Variants in PLCG2 observed in about 807,000 individuals in gnomAD.
The protein encoded by PLCG2 is phospholipase C gamma 2.
In PLCG2, 69 loss-of-function variants were observed where a neutral mutation model predicts 175.6. The ratio of observed to expected loss-of-function variants is 0.39; its 90% CI spans 0.32 to 0.48. The LOEUF is 0.48. Ranked by LOEUF, PLCG2 falls within the 20% of genes least tolerant of loss-of-function variation. The pLI, the probability that PLCG2 is intolerant of heterozygous loss-of-function variation, is 0.91. For synonymous variants in PLCG2, 827 were observed against 624.0 expected (o/e 1.33, Z -4.85); for missense variants, 1,798 against 1,650.9 (o/e 1.09, Z -1.54).
intron 2 of PLCG2, among the ~76,000 whole-genome samples, chr16:81,788,212 C>G (rs1034345796): frequency 6.6e-6 from 1 of 152,130 alleles, no homozygotes; most frequent in Non-Finnish European, 1.5e-5. Flanking sequence ...TTGCATTATT[C>G]TTCATTTGTA....
At chr16:81,824,965 G>C (rs762743815) in intron 2 of PLCG2, among the ~76,000 whole-genome samples, 2 of 152,222 alleles carry the variant, frequency 1.3e-5, no homozygotes, top group Non-Finnish European at 2.9e-5. Context: ...CAGGGAGAGA[G>C]AGCAGGATTC....
At chr16:81,763,859 C>T (rs896901218) in intron 2 of PLCG2, among the ~76,000 whole-genome samples, 3 of 151,824 alleles carry the variant, frequency 2.0e-5, no homozygotes, top group South Asian at 2.1e-4. Context: ...CTCAGCTACT[C>T]GGGAGGCTGA....
At chr16:81,905,297 G>A in intron 14 of PLCG2, 106 bp from the exon 15 acceptor site, 3 of 729,106 alleles carry the variant, frequency 4.1e-6, no homozygotes, top group Non-Finnish European at 7.3e-6. Context: ...AGCAAGAACA[G>A]GCAGTGCAAA....
rs564349604 is a variant in PLCG2, at chr16:81,806,265, C to T, written c.193+20083C>T. ...TTTGTCCTTTTGCATTACCTGCTTC[C>T]GTGGTCCCCAAGCAGCAAAGGCATT... On this transcript the variant is annotated intron_variant, in intron 2 of 32. Transcript: ENST00000564138. Among the ~76,000 whole-genome samples, 271 of 152,028 alleles carry T rather than the reference C, an allele frequency of 1.8e-3. 2 individuals are homozygous for T. The highest frequency in any genetic ancestry group is 5.7e-3 in the African/African-American group (238 of 41,482).
At chr16:81,909,746 C>T (rs62044875) in intron 17 of PLCG2, among the ~76,000 whole-genome samples, 1 of 152,118 alleles carries the variant, frequency 6.6e-6, no homozygotes, top group East Asian at 1.9e-4. Flanking sequence ...CGCAAATAAT[C>T]CTGGACACCT....
At chr16:81,805,465 C>T (rs1030697156) in intron 2 of PLCG2, among the ~76,000 whole-genome samples, 6 of 142,388 alleles carry the variant, frequency 4.2e-5, no homozygotes, top group African/African-American at 1.6e-4. Flanking sequence ...CACCACTGCA[C>T]TTCAGCCTGG....
intron 5 of PLCG2, among the ~76,000 whole-genome samples, chr16:81,868,698 A>G (rs1005654833): frequency 6.6e-6 from 1 of 152,222 alleles, no homozygotes; most frequent in Non-Finnish European, 1.5e-5. Flanking sequence ...GTCAACACCT[A>G]TATTGGGCCT....
At chr16:81,776,083 C>CGTTCTTTCTTTCTT (rs1413572575), upstream of PLCG2, among the ~76,000 whole-genome samples, 146 of 81,944 alleles carry the variant, frequency 1.8e-3, 13 homozygotes, top group South Asian at 0.02. Context: ...TTCTCTCTCT[C>CGTTCTTTCTTTCTT]TCTCTCTTTC....
At chr16:81,852,663 T>C (rs1036705049) in intron 2 of PLCG2, among the ~76,000 whole-genome samples, 2 of 152,234 alleles carry the variant, frequency 1.3e-5, no homozygotes, top group African/African-American at 4.8e-5. Flanking sequence ...TACTTGTTTC[T>C]GTTATCTATT....
chr16:81,961,994 G>C lies in PLCG2; in HGVS notation c.*3996G>C, dbSNP rs143859339. 28 of 195,902 alleles carry C rather than the reference G, an allele frequency of 1.4e-4. No individual in the cohort carries two copies. The East Asian group carries it at 2.3e-3, about 16-fold the overall frequency. The allele number at this position is 195,902 out of a possible 1,614,324, so 12.1% of individuals were successfully genotyped here. ...TCGCCAGGGTTGATTCGGCTGATCT[G>C]GCTGGCTAGGTGGGTGTCCCCTTCC... On this transcript the variant is annotated 3_prime_UTR_variant, in exon 33 of 33. Transcript: ENST00000564138.
At chr16:81,780,145 A>C (rs1001919639) in intron 1 of PLCG2, among the ~76,000 whole-genome samples, 1 of 151,602 alleles carries the variant, frequency 6.6e-6, no homozygotes, top group Non-Finnish European at 1.5e-5. Flanking sequence ...GTGAGAAACT[A>C]TGGGGGGCGG....
At chr16:81,888,165 C>G (rs916610900) in intron 9 of PLCG2, among the ~76,000 whole-genome samples, 2 of 152,088 alleles carry the variant, frequency 1.3e-5, no homozygotes, top group Non-Finnish European at 2.9e-5. Flanking sequence ...GTGAGATGAC[C>G]ATAGGAGGAA....
intron 30 of PLCG2, among the ~76,000 whole-genome samples, chr16:81,942,224 C>T (rs550723670): frequency 6.6e-6 from 1 of 152,302 alleles, no homozygotes; most frequent in African/African-American, 2.4e-5. Flanking sequence ...CCTCCCAGTG[C>T]CTTGCAGAGA....
chr16:81,933,101 G>C (rs952699955), intron 25 of PLCG2, among the ~76,000 whole-genome samples: 3 of 152,372 alleles, frequency 2.0e-5, no homozygotes, highest in Middle Eastern at 3.4e-3. Context: ...GCCGCGTGAA[G>C]GTTCCTGAAA....
chr16:81,896,088 C>G (rs182602507), intron 13 of PLCG2, among the ~76,000 whole-genome samples, 161 bp downstream of exon 13: 1 of 152,100 alleles, frequency 6.6e-6, no homozygotes. Context: ...AGTTCTCACC[C>G]GAGTGTTGGC....
chr16:81,839,022 C>G (rs940630461), intron 2 of PLCG2, among the ~76,000 whole-genome samples: 2 of 151,980 alleles, frequency 1.3e-5, no homozygotes, highest in African/African-American at 4.8e-5. Flanking sequence ...CTCACAGAAC[C>G]AAGCCGAGGG....
chr16:81,747,005 A>T (rs979797885), intron 1 of PLCG2, among the ~76,000 whole-genome samples: 1 of 152,206 alleles, frequency 6.6e-6, no homozygotes, highest in African/African-American at 2.4e-5. Context: ...AGGTACACCA[A>T]CCACCTTGCT....
intron 26 of PLCG2, among the ~76,000 whole-genome samples, chr16:81,935,144 G>T (rs569120337): frequency 6.6e-6 from 1 of 152,302 alleles, no homozygotes; most frequent in East Asian, 1.9e-4. Context: ...TCTGAAATCA[G>T]TATCATGAGG....
At chr16:81,776,755 A>C (rs1369648742), upstream of PLCG2, among the ~76,000 whole-genome samples, 3 of 152,032 alleles carry the variant, frequency 2.0e-5, no homozygotes, top group Non-Finnish European at 4.4e-5. Context: ...GTGTTTTACC[A>C]TGTTGGCCAG....
Sources: gnomAD v4.1 joint callset for allele counts (sites outside exome capture counted in the v4.1 genomes callset) on GRCh38, gnomAD v4.1.1 for gene constraint, MANE v1.5 for transcripts, NCBI Gene and HGNC (gene_info 2026-07-23, HGNC 2026-07-21) for gene names.